INTS8: variants seen among roughly 807,000 people sequenced by gnomAD.
The protein encoded by INTS8 is protein kaonashi-1.
Under a neutral mutation model 138.9 loss-of-function variants are expected in INTS8, and 47 were observed. That is an observed-to-expected ratio of 0.34 (90% CI 0.27 to 0.43). The LOEUF (loss-of-function observed/expected upper bound fraction) is 0.43, where lower values mean the gene tolerates loss of function less well. Among genes scored for constraint, INTS8 ranks in the 20% least tolerant of loss-of-function variants. The pLI is 1.00. For missense variants in INTS8, 996 were observed against 1,173.0 expected (o/e 0.85, Z 2.20); for synonymous variants, 392 against 400.9 (o/e 0.98, Z 0.27).
At chr8:94,847,241 C>G (rs1815364403) in intron 10 of INTS8, among the ~76,000 whole-genome samples, 1 of 151,980 alleles carries the variant, frequency 6.6e-6, no homozygotes, top group South Asian at 2.1e-4. Context: ...GGGGTTTTAC[C>G]ATGTTGGCTG....
chr8:94,863,699 T>A (rs1271925225), intron 16 of INTS8, among the ~76,000 whole-genome samples: 1 of 152,192 alleles, frequency 6.6e-6, no homozygotes, highest in African/African-American at 2.4e-5. Context: ...ACTTTGAAAA[T>A]TTTTTAAATT....
intron 9 of INTS8, 75 bp downstream of exon 9, chr8:94,841,666 T>C: frequency 3.9e-6 from 3 of 773,076 alleles, no homozygotes; most frequent in Non-Finnish European, 6.6e-6. Flanking sequence ...AAAACCACAT[T>C]TTCAAATTTC....
chr8:94,867,077 C>A, intron 18 of INTS8, 63 bp from the exon 19 acceptor site: 1 of 1,226,852 alleles, frequency 8.2e-7, no homozygotes, highest in Non-Finnish European at 1.2e-6. Flanking sequence ...GTGAGGTTGA[C>A]AGGAGCAATA....
intron 18 of INTS8, 180 bp from the exon 19 acceptor site, chr8:94,866,960 C>A: frequency 5.4e-6 from 3 of 557,284 alleles, no homozygotes; most frequent in South Asian, 2.8e-5. Flanking sequence ...GGTCCACGCC[C>A]CGCCCCCACA....
chr8:94,867,527 T>C lies in INTS8; in HGVS notation c.2414+190T>C, dbSNP rs1176245122. On this transcript the variant is annotated intron_variant, in intron 20 of 26. Coordinates refer to ENST00000523731, the MANE Select transcript of INTS8 (RefSeq NM_017864.4). ...TTGTGGATAAGGCATAACCCTTTTT[T>C]TTTTTTTTTTTTTTGAGGCAGAGTC... 2.9e-4 allele frequency: 118 copies of C among 412,322 alleles called. 1 individual carries two copies. In the Middle Eastern group the frequency reaches 3.4e-3, roughly 12 times the overall value. The allele number at this position is 412,322 out of a possible 1,614,324, so 25.5% of individuals were successfully genotyped here.
intron 2 of INTS8, among the ~76,000 whole-genome samples, chr8:94,825,658 ATC>A (rs987834242): frequency 1.3e-5 from 2 of 152,126 alleles, no homozygotes; most frequent in Admixed American, 6.5e-5. Flanking sequence ...ATAAATCACT[ATC>A]TCCTATTAAA....
intron 16 of INTS8, among the ~76,000 whole-genome samples, chr8:94,864,087 A>G (rs1816090359): frequency 1.3e-5 from 2 of 152,252 alleles, no homozygotes; most frequent in African/African-American, 2.4e-5. Context: ...ACTTAGTTTA[A>G]TATGGTTTAA....
rs1816747090 is a variant in INTS8, at chr8:94,880,120, C to G, written c.2874C>G (p.Ile958Met). Residue 958 changes from isoleucine (I) to methionine (M), a missense_variant and splice_region_variant, in exon 27 of 27, where the codon ATC becomes ATG. Coordinates refer to ENST00000523731, the MANE Select transcript of INTS8 (RefSeq NM_017864.4). The part of the protein sequence containing the change: ...RGETDKRQIA[I>M]KAIGQTELNA... ...ACATCACTTTTCTGTTTTGGAAGAT[C>G]AAAGCCATCGGCCAGACAGAGTTGA... The G allele has an allele frequency of 6.2e-7, 1 of 1,602,418 alleles. No homozygotes were observed.
intron 1 of INTS8, among the ~76,000 whole-genome samples, chr8:94,824,161 G>A (rs1229454511): frequency 6.6e-6 from 1 of 152,164 alleles, no homozygotes; most frequent in African/African-American, 2.4e-5. Flanking sequence ...GTGATTGATG[G>A]GGGAGGAGGA....
chr8:94,859,723 CTG>C (rs1198416551), intron 16 of INTS8, 91 bp downstream of exon 16: 5 of 1,019,618 alleles, frequency 4.9e-6, no homozygotes, highest in African/African-American at 3.2e-5. Context: ...TGTCTAATTT[CTG>C]TGATACAAAT....
intron 10 of INTS8, among the ~76,000 whole-genome samples, chr8:94,847,081 G>T (rs773337912): frequency 4.3e-4 from 65 of 152,062 alleles, no homozygotes; most frequent in Non-Finnish European, 6.0e-4. Context: ...TACTGTGTCG[G>T]CCAAACTGGA....
chr8:94,850,481 G>C (rs1357276786), intron 12 of INTS8, among the ~76,000 whole-genome samples: 1 of 152,066 alleles, frequency 6.6e-6, no homozygotes, highest in African/African-American at 2.4e-5. Flanking sequence ...GCATGGTGGT[G>C]GGCGCCTGTA....
At chr8:94,825,186 GCCTATAA>G in intron 2 of INTS8, 119 bp downstream of exon 2, 1 of 659,624 alleles carries the variant, frequency 1.5e-6, no homozygotes, top group African/African-American at 1.9e-5. Context: ...CGTGGCTCAC[GCCTATAA>G]TAATCCCGGC....
At position 94,823,481 on chromosome 8, in the gene INTS8, G is replaced by A; in HGVS notation, c.50G>A (p.Cys17Tyr). Residue 17 changes from cysteine (C) to tyrosine (Y), a missense_variant, in exon 1 of 27, where the codon TGC becomes TAC. Physicochemically the swap from Cys to Tyr is radical, Grantham distance 194. Coordinates refer to ENST00000523731, the MANE Select transcript of INTS8 (RefSeq NM_017864.4). ...GAGGCGGCCACCTCCAGCCGGCCCT[G>A]CACCCCGCCGCAGACCTGCTGGTTT... ...DREAATSSRP[C>Y]TPPQTCWFEF... 6.4e-7 allele frequency: 1 copy of A among 1,551,618 alleles called. No homozygotes were observed. Among genetic ancestry groups the A allele is most frequent in the Middle Eastern group, 1.8e-4 (1 of 5,714 alleles).
intron 16 of INTS8, among the ~76,000 whole-genome samples, chr8:94,863,324 C>T (rs1357126627): frequency 1.3e-5 from 2 of 152,240 alleles, no homozygotes; most frequent in Non-Finnish European, 2.9e-5. Context: ...CATGCCCACG[C>T]CATGTTTCCA....
At chr8:94,865,237 C>T (rs1299361510) in intron 16 of INTS8, among the ~76,000 whole-genome samples, 4 of 151,816 alleles carry the variant, frequency 2.6e-5, no homozygotes, top group Non-Finnish European at 4.4e-5. Context: ...TATCTCTTTG[C>T]GTTGTCTCAT....
At chr8:94,823,598 G>T in intron 1 of INTS8, 37 bp downstream of exon 1, 1 of 1,470,078 alleles carries the variant, frequency 6.8e-7, no homozygotes, top group Non-Finnish European at 9.2e-7. Flanking sequence ...GCGGGACCCG[G>T]CCACCGGCGC....
intron 5 of INTS8, among the ~76,000 whole-genome samples, chr8:94,831,579 T>G (rs1814717767): frequency 6.6e-6 from 1 of 151,840 alleles, no homozygotes; most frequent in African/African-American, 2.4e-5. Context: ...CCTCCCAGGT[T>G]CAAGCAATTC....
chr8:94,866,299 ATTT>A, intron 18 of INTS8, 108 bp downstream of exon 18: 1 of 679,670 alleles, frequency 1.5e-6, no homozygotes, highest in Non-Finnish European at 2.7e-6. Context: ...TTGTTTTTTA[ATTT>A]TTTTTTAAGG....
Sources: gnomAD v4.1 joint callset for allele counts (sites outside exome capture counted in the v4.1 genomes callset) on GRCh38, gnomAD v4.1.1 for gene constraint, MANE v1.5 for transcripts, NCBI Gene and HGNC (gene_info 2026-07-23, HGNC 2026-07-21) for gene names.